Variants in RHBDF1 observed in about 807,000 individuals in gnomAD.
RHBDF1 encodes rhomboid 5 homolog 1.
Under a neutral mutation model 98.6 loss-of-function variants are expected in RHBDF1, and 80 were observed. The observed-to-expected ratio is 0.81, with a 90% CI of 0.68 to 0.98. RHBDF1 has a LOEUF of 0.98. Among genes scored for constraint, RHBDF1 ranks in the 50% least tolerant of loss-of-function variants. The pLI is 0.00. For synonymous variants in RHBDF1, 512 were observed against 486.8 expected (o/e 1.05, Z -0.68); for missense variants, 1,116 against 1,198.3 (o/e 0.93, Z 1.01).
At position 59,448 on chromosome 16, in the gene RHBDF1, A is replaced by T; in HGVS notation, c.1864T>A (p.Phe622Ile). The change falls in exon 15 of 18, where the codon TTC becomes ATC. Residue 622 changes from phenylalanine to isoleucine, a missense_variant. Physicochemically the swap from Phe to Ile is conservative, Grantham distance 21 (BLOSUM62 0). Coordinates refer to ENST00000262316, the MANE Select transcript of RHBDF1 (RefSeq NM_022450.5). ...GAGCAGAGCGTGGCCTCCTCATGGA[A>T]GTAGCCCCTCATGAAGTCACAGTAC... ...REYCDFMRGY[F>I]HEEATLCSQV... 6.2e-7 allele frequency: 1 copy of T among 1,613,808 alleles called. No homozygotes were observed. Among genetic ancestry groups the T allele is most frequent in the Non-Finnish European group, 8.5e-7 (1 of 1,179,988 alleles).
upstream of RHBDF1, chr16:73,918 C>CA (rs1898039570): frequency 1.0e-6 from 1 of 984,506 alleles, no homozygotes; most frequent in African/African-American, 1.7e-5. Context: ...GTACACTTAC[C>CA]GGTAGATCCC....
chr16:72,590 C>G lies in RHBDF1; in HGVS notation c.-102G>C. The G allele has an allele frequency of 1.0e-6, 1 of 973,384 alleles. No individual in the cohort carries two copies. The highest frequency in any genetic ancestry group is 1.2e-6 in the Non-Finnish European group (1 of 823,646). The allele number at this position is 973,384 out of a possible 1,614,324, so 60.3% of individuals were successfully genotyped here. A position where few individuals can be genotyped will look rare whatever the true frequency, so the allele number is the denominator to read the frequency against. On this transcript the variant is annotated 5_prime_UTR_variant, in exon 1 of 18. Transcript: ENST00000262316. ...CGCCGCTGGCCGGGAGGGCCCGCGC[C>G]GAGTCCCCGCCCGCCCGCCGGTCCG...
intron 1 of RHBDF1, among the ~76,000 whole-genome samples, chr16:67,753 C>T (rs1246906635): frequency 1.5e-4 from 23 of 152,354 alleles, no homozygotes; most frequent in Non-Finnish European, 2.9e-4. Flanking sequence ...GACTGGCCTG[C>T]TCTGAAGCCA....
rs1177097467 is a variant in RHBDF1 at position 72,446 on chromosome 16, C to G, written c.-25+67G>C. 3 of 665,270 alleles carry G rather than the reference C, an allele frequency of 4.5e-6. No individual in the cohort carries two copies. The African/African-American group carries it at 2.3e-4, about 52-fold the overall frequency. The allele number at this position is 665,270 out of a possible 1,614,324, so 41.2% of individuals were successfully genotyped here. A position where few individuals can be genotyped will look rare whatever the true frequency, so the allele number is the denominator to read the frequency against. ...CCCCGGGTGCTGAGGACTCGCCCCGCCCTCCGGACGCAGCCCCGGAACCCG... is the reference window on the plus strand; with the variant it reads ...CCCCGGGTGCTGAGGACTCGCCCCGGCCTCCGGACGCAGCCCCGGAACCCG... On this transcript the variant is annotated intron_variant, in intron 1 of 17. Coordinates refer to ENST00000262316, the MANE Select transcript of RHBDF1 (RefSeq NM_022450.5).
chr16:65,405 T>C (rs1462365595), intron 1 of RHBDF1, among the ~76,000 whole-genome samples: 1 of 152,200 alleles, frequency 6.6e-6, no homozygotes, highest in African/African-American at 2.4e-5. Flanking sequence ...GTGAATGTAC[T>C]GGTTAAAAGA....
At chr16:60,909 A>C in intron 11 of RHBDF1, 2 of 607,056 alleles carry the variant, frequency 3.3e-6, no homozygotes, top group South Asian at 4.1e-5. Context: ...ACCCAAATCA[A>C]AAGACCAAAT....
rs1897510850 is a variant in RHBDF1, at chr16:59,289, G to A, written c.1954C>T (p.Gln652Ter). The A allele has an allele frequency of 6.2e-7, 1 of 1,611,246 alleles. No homozygotes were observed. Among genetic ancestry groups the A allele is most frequent in the Non-Finnish European group, 8.5e-7 (1 of 1,178,470 alleles). Reference sequence around the variant, plus strand: ...AGGGATAGCCACAGGCGGTAGAACTGGTCAGGCACCTCGGGGTTGAGAAAA... The same window carrying A: ...AGGGATAGCCACAGGCGGTAGAACTAGTCAGGCACCTCGGGGTTGAGAAAA... Reference protein sequence around the residue: ...LPFLNPEVPDQFYRLWLSLFL... With the variant: ...LPFLNPEVPD The change falls in exon 16 of 18, where the codon CAG becomes TAG. Residue 652 changes from glutamine (Q) to a stop codon, truncating the protein, a stop_gained. Transcript: ENST00000262316. LOFTEE classifies it high-confidence loss of function.
intron 1 of RHBDF1, among the ~76,000 whole-genome samples, chr16:69,645 G>C (rs1897919735): frequency 6.6e-6 from 1 of 152,096 alleles, no homozygotes. Flanking sequence ...ATTAATGAAG[G>C]GAAAGTCACC....
chr16:59,895 G>A, intron 13 of RHBDF1, 69 bp from the exon 14 acceptor site: 1 of 1,608,178 alleles, frequency 6.2e-7, no homozygotes, highest in East Asian at 2.2e-5. Flanking sequence ...CACGTTTGGG[G>A]GTAGAGGCAA....
At chr16:75,387 C>T (rs576370276), upstream of RHBDF1, among the ~76,000 whole-genome samples, 4 of 152,350 alleles carry the variant, frequency 2.6e-5, no homozygotes, top group African/African-American at 9.6e-5. Context: ...AGCTCAGCTT[C>T]TAGGCCACAA....
intron 3 of RHBDF1, chr16:64,393 C>T (rs1321297434): frequency 2.2e-6 from 3 of 1,388,508 alleles, no homozygotes; most frequent in Admixed American, 4.4e-5. Context: ...AGCCCGGGGA[C>T]CCAAGAGGGG....
Position 71,621 on chromosome 16 carries a change from G to A in RHBDF1, c.-25+892C>T, listed in dbSNP as rs188269892. Among the ~76,000 whole-genome samples, 60 of 152,302 alleles carry A rather than the reference G, an allele frequency of 3.9e-4. 1 individual carries two copies. The highest frequency in any genetic ancestry group is 1.3e-3 in the African/African-American group (55 of 41,580). On this transcript the variant is annotated intron_variant, in intron 1 of 17. Coordinates refer to ENST00000262316, the MANE Select transcript of RHBDF1 (RefSeq NM_022450.5). ...TCCCAGGATAGGAGAAGGGCCTCCA[G>A]ACCTAGGCCCCACCCACCGGGACAG...
chr16:70,067 G>C (rs1293156456), intron 1 of RHBDF1, among the ~76,000 whole-genome samples: 1 of 152,050 alleles, frequency 6.6e-6, no homozygotes, highest in African/African-American at 2.4e-5. Flanking sequence ...GGGGTCACCA[G>C]AGCTAAACCC....
Position 59,368 on chromosome 16 carries a change from C to G in RHBDF1, c.1894-19G>C, listed in dbSNP as rs764893982. The G allele has an allele frequency of 8.7e-6, 14 of 1,611,854 alleles. No individual in the cohort carries two copies. The Middle Eastern group carries it at 8.2e-4, about 95-fold the overall frequency. On this transcript the variant is annotated intron_variant, in intron 15 of 17. Transcript: ENST00000262316. Reference sequence around the variant, plus strand: ...AGTGCACCTGCGCAGAGCAGCATATCAGCATCACAGTAGCTGGGGGAGGGG... The same window carrying G: ...AGTGCACCTGCGCAGAGCAGCATATGAGCATCACAGTAGCTGGGGGAGGGG...
At position 58,736 on chromosome 16, in the gene RHBDF1, G is replaced by A. The variant is rs566058949; in HGVS notation, c.2172C>T (p.Phe724=). 3.5e-5 allele frequency: 57 copies of A among 1,612,554 alleles called. No individual in the cohort carries two copies. The highest frequency in any genetic ancestry group is 1.7e-4 in the Admixed American group (10 of 59,964). Residue 724 remains phenylalanine (F), a synonymous_variant, in exon 18 of 18, where the codon TTC becomes TTT. Transcript: ENST00000262316. ...CCACGAAGAGGCAGGCCAGGATGCC[G>A]AACTGGGAGCCAGCAGGACCCACCT... ...RAEVGPAGSQ[F]GILACLFVEL...
chr16:59,299 C>T lies in RHBDF1; in HGVS notation c.1944G>A (p.Glu648=), dbSNP rs149381454. 11 of 1,611,654 alleles carry T rather than the reference C, an allele frequency of 6.8e-6. No homozygotes were observed. In the African/African-American group the frequency reaches 1.1e-4, roughly 16 times the overall value. The change falls in exon 16 of 18, where the codon GAG becomes GAA. Residue 648 remains glutamate (E), a synonymous_variant. Coordinates refer to ENST00000262316, the MANE Select transcript of RHBDF1 (RefSeq NM_022450.5). The stretch of plus-strand genomic sequence containing the variant: ...ACAGGCGGTAGAACTGGTCAGGCAC[C>T]TCGGGGTTGAGAAAAGGCAGGAGCC... ...VCGLLPFLNP[E]VPDQFYRLWL...
Position 59,364 on chromosome 16 carries a change from A to G in RHBDF1, c.1894-15T>C, listed in dbSNP as rs759130439. The G allele has an allele frequency of 6.8e-6, 11 of 1,612,176 alleles. No homozygotes were observed. The Admixed American group carries it at 1.5e-4, about 22-fold the overall frequency. ...ATGCAGTGCACCTGCGCAGAGCAGC[A>G]TATCAGCATCACAGTAGCTGGGGGA... On this transcript the variant is annotated splice_polypyrimidine_tract_variant and intron_variant, in intron 15 of 17. Coordinates refer to ENST00000262316, the MANE Select transcript of RHBDF1 (RefSeq NM_022450.5).
At position 61,180 on chromosome 16, in the gene RHBDF1, GGAGTGCTTCTCGCGCTCGCGCGCCGAGC is replaced by G; in HGVS notation, c.1469_1496del (p.Arg490ProfsTer28). ...ACCTGTCGTTGCGCACGCAGCAGGC[GGAGTGCTTCTCGCGCTCGCGCGCCGAGC>G]GAATGAAGCTGTGCACCTGCGGGTC... On this transcript the variant is annotated frameshift_variant, in exon 11 of 18. Transcript: ENST00000262316. LOFTEE classifies it high-confidence loss of function. The G allele has an allele frequency of 1.3e-6, 2 of 1,541,892 alleles. No individual in the cohort carries two copies. Among genetic ancestry groups the G allele is most frequent in the Non-Finnish European group, 1.7e-6 (2 of 1,145,472 alleles).
rs574481851 is a variant in RHBDF1, at chr16:59,228, C to G, written c.1994+21G>C. Reference sequence around the variant, plus strand: ...TCCTGAGGGCCCTGAGACCCCCGACCCGGCCCACAGTGTCACTTGCCCGGC... The same window carrying G: ...TCCTGAGGGCCCTGAGACCCCCGACGCGGCCCACAGTGTCACTTGCCCGGC... On this transcript the variant is annotated intron_variant, in intron 16 of 17. Transcript: ENST00000262316. The G allele has an allele frequency of 8.8e-6, 14 of 1,591,920 alleles. No individual in the cohort carries two copies. The South Asian group carries it at 1.5e-4, about 17-fold the overall frequency.
Sources: gnomAD v4.1 joint callset for allele counts (sites outside exome capture counted in the v4.1 genomes callset) on GRCh38, gnomAD v4.1.1 for gene constraint, MANE v1.5 for transcripts, NCBI Gene and HGNC (gene_info 2026-07-23, HGNC 2026-07-21) for gene names.